Variants in PI4KA observed in about 807,000 individuals in gnomAD.
PI4KA encodes PI4-kinase alpha.
In PI4KA, 122 loss-of-function variants were observed where a neutral mutation model predicts 271.4. The observed-to-expected ratio is 0.45, with a 90% CI of 0.39 to 0.52. PI4KA has a LOEUF of 0.52. Ranked by LOEUF, PI4KA falls within the 20% of genes least tolerant of loss-of-function variation. The pLI is 0.00. For missense variants in PI4KA, 1,969 were observed against 2,769.1 expected, an observed-to-expected ratio of 0.71 and a Z score of 6.48; for synonymous variants, 1,041 against 1,078.8, an observed-to-expected ratio of 0.96 and a Z score of 0.69.
chr22:20,793,305 ACAC>A, intron 18 of PI4KA, 62 bp from the exon 19 acceptor site: 1 of 905,624 alleles, frequency 1.1e-6, no homozygotes, highest in Non-Finnish European at 1.8e-6. Flanking sequence ...AAAAAAAAAA[ACAC>A]AAGATACAAC....
In PI4KA at chr22:20,842,686, G is replaced by T. The variant is rs1319049380; in HGVS notation, c.157-3955C>A. Among the ~76,000 whole-genome samples, 3 of 151,984 alleles carry T rather than the reference G, an allele frequency of 2.0e-5. No homozygotes were observed. In the East Asian group the frequency reaches 5.8e-4, roughly 29 times the overall value. On this transcript the variant is annotated intron_variant, in intron 1 of 54. Transcript: ENST00000255882. ...AAATCAGCCAGGTGTGGTGGCCTGG[G>T]CCTATAATCCCAGCTACTCGGGAGG...
In PI4KA at chr22:20,729,939, T is replaced by C. The variant is rs1228114218; in HGVS notation, c.4361A>G (p.Asn1454Ser). ...SRQQATQGWI[N>S]TYPLSSGMST... is the part of the protein sequence containing the mutation. ...CATGCCGCTGGACAGGGGGTATGTG[T>C]TGATCCAGCCTTGGGTGGCTTGTTG... Residue 1454 changes from asparagine (N) to serine (S), a missense_variant, in exon 37 of 55, where the codon AAC becomes AGC. By Grantham distance (46) the Asn-to-Ser change is conservative. Coordinates refer to ENST00000255882, the MANE Select transcript of PI4KA (RefSeq NM_058004.4). 1 of 1,614,076 alleles carries C rather than the reference T, an allele frequency of 6.2e-7. No individual in the cohort carries two copies. The highest frequency in any genetic ancestry group is 8.5e-7 in the Non-Finnish European group (1 of 1,180,016).
At chr22:20,857,160 T>C (rs1415485578) in intron 1 of PI4KA, among the ~76,000 whole-genome samples, 1 of 152,246 alleles carries the variant, frequency 6.6e-6, no homozygotes, top group Non-Finnish European at 1.5e-5. Flanking sequence ...CTACCTTGTA[T>C]TTGACAGAAG....
chr22:20,812,638 C>A (rs1921215665), intron 8 of PI4KA, among the ~76,000 whole-genome samples: 1 of 152,158 alleles, frequency 6.6e-6, no homozygotes. Flanking sequence ...ACTGCAACCT[C>A]CACCTCCAAG....
At chr22:20,844,735 T>C (rs1433855728) in intron 1 of PI4KA, among the ~76,000 whole-genome samples, 1 of 152,124 alleles carries the variant, frequency 6.6e-6, no homozygotes, top group East Asian at 1.9e-4. Flanking sequence ...ATATTGAACA[T>C]TTATCATGTG....
chr22:20,851,481 G>A (rs1483245102), intron 1 of PI4KA, among the ~76,000 whole-genome samples: 1 of 152,052 alleles, frequency 6.6e-6, no homozygotes, highest in African/African-American at 2.4e-5. Flanking sequence ...GGGCTTACAG[G>A]CGCACACCAC....
chr22:20,798,165 T>C (rs1165455939), intron 17 of PI4KA, among the ~76,000 whole-genome samples: 1 of 152,202 alleles, frequency 6.6e-6, no homozygotes, highest in Non-Finnish European at 1.5e-5. Context: ...CTGTCAATGC[T>C]GCATTTATTA....
At chr22:20,838,570 A>G (rs750920000) in intron 2 of PI4KA, 45 bp downstream of exon 2, 1 of 1,057,226 alleles carries the variant, frequency 9.5e-7, no homozygotes, top group Non-Finnish European at 1.5e-6. Flanking sequence ...CGCTCACTAC[A>G]CCCCCTTTTA....
At position 20,749,910 on chromosome 22, in the gene PI4KA, G is replaced by A; in HGVS notation, c.3238C>T (p.Leu1080=). 1 of 1,601,756 alleles carries A rather than the reference G, an allele frequency of 6.2e-7. No homozygotes were observed. Among genetic ancestry groups the A allele is most frequent in the Non-Finnish European group, 8.6e-7 (1 of 1,168,698 alleles). ...CTTTTGATGGTTTCAAGTACCTGCA[G>A]GTGGGACTTGGTGACGGTAGGTGCC... ...KWAPTVTKSH[L]QEYLNKHQNW... The change falls in exon 28 of 55, where the codon CTG becomes TTG. Residue 1080 remains leucine, a synonymous_variant. Coordinates refer to ENST00000255882, the MANE Select transcript of PI4KA (RefSeq NM_058004.4).
intron 19 of PI4KA, among the ~76,000 whole-genome samples, chr22:20,786,616 T>C (rs1168572553): frequency 6.6e-6 from 1 of 152,132 alleles, no homozygotes; most frequent in Non-Finnish European, 1.5e-5. Context: ...GGAGCTGGGG[T>C]GGCTGTCCTG....
At chr22:20,826,709 ATC>A (rs1408944666) in intron 3 of PI4KA, among the ~76,000 whole-genome samples, 1 of 152,236 alleles carries the variant, frequency 6.6e-6, no homozygotes, top group Non-Finnish European at 1.5e-5. Context: ...CCTCACCAGC[ATC>A]TGTTATTTCT....
At chr22:20,714,331 G>A in intron 47 of PI4KA, 127 bp downstream of exon 47, 1 of 1,495,162 alleles carries the variant, frequency 6.7e-7, no homozygotes, top group Non-Finnish European at 8.9e-7. Flanking sequence ...GACTGAGTGA[G>A]GGCAGACAGA....
intron 45 of PI4KA, among the ~76,000 whole-genome samples, chr22:20,716,705 G>A (rs1418587104): frequency 6.6e-6 from 1 of 152,134 alleles, no homozygotes; most frequent in African/African-American, 2.4e-5. Context: ...CATGCCCCCT[G>A]CAGTACAATG....
chr22:20,800,901 T>C (rs1935276926), intron 14 of PI4KA, among the ~76,000 whole-genome samples: 1 of 149,290 alleles, frequency 6.7e-6, no homozygotes, highest in Non-Finnish European at 1.5e-5. Context: ...AATTTCTTTT[T>C]TTTTTTGAGA....
intron 6 of PI4KA, among the ~76,000 whole-genome samples, chr22:20,819,307 T>G (rs1413096493): frequency 6.6e-6 from 1 of 151,768 alleles, no homozygotes; most frequent in East Asian, 1.9e-4. Flanking sequence ...AGGAGTGGTT[T>G]TTTTTTTTTT....
intron 4 of PI4KA, among the ~76,000 whole-genome samples, chr22:20,822,366 A>G (rs1189553741): frequency 7.3e-6 from 1 of 136,528 alleles, no homozygotes; most frequent in East Asian, 2.2e-4. Flanking sequence ...TAGATGAGGA[A>G]GATACCTAAG....
intron 30 of PI4KA, 108 bp from the exon 31 acceptor site, chr22:20,742,872 G>A: frequency 2.2e-6 from 2 of 904,702 alleles, no homozygotes; most frequent in Non-Finnish European, 3.6e-6. Flanking sequence ...GTGCCTCGCT[G>A]CCCCAAAGTG....
At chr22:20,809,790 G>A (rs969756158) in intron 9 of PI4KA, among the ~76,000 whole-genome samples, 1 of 152,168 alleles carries the variant, frequency 6.6e-6, no homozygotes, top group Non-Finnish European at 1.5e-5. Context: ...GATGCAACTT[G>A]GGGAGTTATA....
intron 23 of PI4KA, among the ~76,000 whole-genome samples, chr22:20,760,035 T>C (rs1012409043): frequency 1.3e-5 from 2 of 152,122 alleles, no homozygotes; most frequent in Admixed American, 6.6e-5. Context: ...GTACAAGAAG[T>C]ATCGGAAATA....
Sources: allele counts gnomAD v4.1 joint callset (sites outside exome capture counted in the v4.1 genomes callset), GRCh38; gene constraint gnomAD v4.1.1; transcripts MANE v1.5; gene names NCBI Gene and HGNC (gene_info 2026-07-23, HGNC 2026-07-21).